ZW10: variants seen among roughly 807,000 people sequenced by gnomAD.
ZW10 encodes the protein centromere/kinetochore protein zw10 homolog.
A neutral mutation model predicts 87.8 loss-of-function variants in ZW10; 53 were observed. The observed-to-expected ratio is 0.60, with a 90% CI of 0.48 to 0.76. The LOEUF (loss-of-function observed/expected upper bound fraction) is 0.76, where lower values mean the gene tolerates loss of function less well. Among genes scored for constraint, ZW10 ranks in the 30% least tolerant of loss-of-function variants. The probability of loss-of-function intolerance (pLI) is 0.00; values close to 1 mark genes in which losing one functional copy is unlikely to be tolerated. For synonymous variants in ZW10, 312 were observed against 329.2 expected (o/e 0.95, Z 0.57); for missense variants, 837 against 923.0 (o/e 0.91, Z 1.21).
intron 10 of ZW10, 87 bp from the exon 11 acceptor site, chr11:113,741,852 G>C (rs949981699): frequency 1.2e-6 from 1 of 852,712 alleles, no homozygotes; most frequent in South Asian, 1.7e-5. Flanking sequence ...TCTTCAGTGA[G>C]AGTCATAAGC....
At chr11:113,766,698 A>AAAAAAAAT (rs1226578405) in intron 2 of ZW10, among the ~76,000 whole-genome samples, 3 of 119,444 alleles carry the variant, frequency 2.5e-5, no homozygotes, top group Admixed American at 1.1e-4. Flanking sequence ...AAAAAAAAAA[A>AAAAAAAAT]TTAATTTTTA....
intron 9 of ZW10, among the ~76,000 whole-genome samples, chr11:113,746,430 T>C (rs916547944): frequency 1.4e-5 from 2 of 141,540 alleles, no homozygotes; most frequent in Admixed American, 7.7e-5. Flanking sequence ...ACTGAGTACA[T>C]AGTAGTAGTA....
intron 10 of ZW10, 44 bp from the exon 11 acceptor site, chr11:113,741,809 C>G (rs752568463): frequency 6.9e-7 from 1 of 1,440,642 alleles, no homozygotes; most frequent in Admixed American, 2.0e-5. Context: ...TAAGAATACA[C>G]TAAAAACAAG....
At chr11:113,753,894 A>C (rs1375197209) in intron 7 of ZW10, among the ~76,000 whole-genome samples, 1 of 152,252 alleles carries the variant, frequency 6.6e-6, no homozygotes, top group Non-Finnish European at 1.5e-5. Flanking sequence ...GAAGAAAAGA[A>C]GCTGTCTCCA....
chr11:113,767,239 A>T (rs1055636873), intron 2 of ZW10, among the ~76,000 whole-genome samples: 63 of 148,466 alleles, frequency 4.2e-4, no homozygotes, highest in African/African-American at 1.5e-3. Flanking sequence ...CTTTTTATTT[A>T]TTTTTTTTTA....
rs750603275 is a variant in ZW10 at position 113,736,793 on chromosome 11, T to C, written c.2046A>G (p.Leu682=). 3 of 1,614,142 alleles carry C rather than the reference T, an allele frequency of 1.9e-6. No homozygotes were observed. The highest frequency in any genetic ancestry group is 2.5e-6 in the Non-Finnish European group (3 of 1,180,006). ...CCATCACTGTTTTGCATAAGGAATA[T>C]AACCTATCACCATCTTCAGTAGATA... ...EDISTEDGDR[L]YSLCKTVMDE... is the part of the protein sequence containing the mutation. The change falls in exon 15 of 16, where the codon TTA becomes TTG. Residue 682 remains leucine, a synonymous_variant. Transcript: ENST00000200135.
intron 2 of ZW10, among the ~76,000 whole-genome samples, chr11:113,763,097 A>C (rs1388074719): frequency 6.6e-6 from 1 of 151,968 alleles, no homozygotes; most frequent in Non-Finnish European, 1.5e-5. Context: ...ACTCCCACTT[A>C]TGACTGAGAA....
At chr11:113,748,902 T>C (rs1418566672) in intron 7 of ZW10, among the ~76,000 whole-genome samples, 2 of 152,212 alleles carry the variant, frequency 1.3e-5, no homozygotes, top group Admixed American at 6.5e-5. Context: ...TTATGGTGCA[T>C]TTTTCGAACA....
intron 2 of ZW10, among the ~76,000 whole-genome samples, chr11:113,764,499 ATTTG>A (rs1312337044): frequency 6.6e-6 from 1 of 152,142 alleles, no homozygotes; most frequent in Non-Finnish European, 1.5e-5. Flanking sequence ...ATGTTTTTCC[ATTTG>A]TTTGTGTCCT....
At position 113,736,770 on chromosome 11, in the gene ZW10, A is replaced by G. The variant is rs1394815837; in HGVS notation, c.2069T>C (p.Met690Thr). The change falls in exon 15 of 16, where the codon ATG becomes ACG. Residue 690 changes from methionine to threonine, a missense_variant. Coordinates refer to ENST00000200135, the MANE Select transcript of ZW10 (RefSeq NM_004724.4). ...DRLYSLCKTV[M>T]DEGPQVFAPL... ...TGCAAATACTTGGGGTCCTTCATCCATCACTGTTTTGCATAAGGAATATAA... is the reference window on the plus strand; with the variant it reads ...TGCAAATACTTGGGGTCCTTCATCCGTCACTGTTTTGCATAAGGAATATAA... 6.2e-7 allele frequency: 1 copy of G among 1,614,150 alleles called. No individual in the cohort carries two copies. The highest frequency in any genetic ancestry group is 1.1e-5 in the South Asian group (1 of 91,080).
intron 3 of ZW10, 91 bp from the exon 4 acceptor site, chr11:113,760,681 C>G (rs1488266177): frequency 1.7e-6 from 2 of 1,179,524 alleles, no homozygotes; most frequent in African/African-American, 3.2e-5. Flanking sequence ...TTCCCTCCCC[C>G]TCCCCCCTCT....
In ZW10 at chr11:113,772,708, T is replaced by G. The variant is rs145046476; in HGVS notation, c.105+854A>C. On this transcript the variant is annotated intron_variant, in intron 1 of 15. Coordinates refer to ENST00000200135, the MANE Select transcript of ZW10 (RefSeq NM_004724.4). ...CATTAAGAGGCCGGAGACGGTGGCTTACACCTGTAATCCCAGCACTTTGGG... is the reference window on the plus strand; with the variant it reads ...CATTAAGAGGCCGGAGACGGTGGCTGACACCTGTAATCCCAGCACTTTGGG... 8.7e-3 allele frequency among the ~76,000 whole-genome samples: 1,310 copies of G among 151,376 alleles called. 15 individuals carry two copies. Among genetic ancestry groups the G allele is most frequent in the Non-Finnish European group, 0.012 (825 of 67,890 alleles).
intron 7 of ZW10, among the ~76,000 whole-genome samples, chr11:113,756,160 T>C (rs1319229574): frequency 6.6e-6 from 1 of 152,070 alleles, no homozygotes; most frequent in Non-Finnish European, 1.5e-5. Flanking sequence ...ACAACTGGTG[T>C]CTTTATAAGA....
chr11:113,770,970 A>ATT lies in ZW10; in HGVS notation c.106-2005_106-2004dup, dbSNP rs71063523. On this transcript the variant is annotated intron_variant, in intron 1 of 15. Coordinates refer to ENST00000200135, the MANE Select transcript of ZW10 (RefSeq NM_004724.4). ...CTCAAGTCGGGGACTTGAGGATGCT[A>ATT]TTTTTTTTTTTTTTTTTTTTGAGAC... 5.8e-3 allele frequency among the ~76,000 whole-genome samples: 673 copies of ATT among 116,206 alleles called. 16 individuals are homozygous for ATT. The highest frequency in any genetic ancestry group is 9.6e-3 in the African/African-American group (305 of 31,770). 76.2% of individuals were successfully genotyped at this position (116,206 alleles called of 152,430 possible).
At chr11:113,735,147 G>A (rs1953535409) in intron 15 of ZW10, among the ~76,000 whole-genome samples, 2 of 151,948 alleles carry the variant, frequency 1.3e-5, no homozygotes, top group South Asian at 4.1e-4. Flanking sequence ...TCCTTCATAT[G>A]TATATTTTAC....
At chr11:113,765,886 G>C (rs1042773601) in intron 2 of ZW10, among the ~76,000 whole-genome samples, 2 of 152,160 alleles carry the variant, frequency 1.3e-5, no homozygotes, top group African/African-American at 4.8e-5. Flanking sequence ...AGGTATGCTT[G>C]CTACCCATTA....
Position 113,768,553 on chromosome 11 carries a change from T to C in ZW10, c.240+280A>G, listed in dbSNP as rs181156139. ...TGTGCCAGAGGTGCAAAGTAACAGA[T>C]TGATCCACTCACTTTGGCCACCACA... On this transcript the variant is annotated intron_variant, in intron 2 of 15. Transcript: ENST00000200135. 1.2e-3 allele frequency among the ~76,000 whole-genome samples: 188 copies of C among 152,266 alleles called. 1 individual carries two copies. Among genetic ancestry groups the C allele is most frequent in the Non-Finnish European group, 2.0e-3 (137 of 68,012 alleles).
intron 1 of ZW10, among the ~76,000 whole-genome samples, chr11:113,772,461 T>TG (rs1172520056): frequency 1.3e-5 from 2 of 152,172 alleles, no homozygotes; most frequent in Admixed American, 1.3e-4. Context: ...GTGGCAAACT[T>TG]GCTCCCTCGA....
intron 12 of ZW10, among the ~76,000 whole-genome samples, chr11:113,738,791 TTTAGTAATCCCAAGTAAAACTA>T (rs1323774660): frequency 3.3e-5 from 5 of 152,204 alleles, no homozygotes; most frequent in Non-Finnish European, 7.3e-5. Flanking sequence ...TCTTTTGACT[TTTAGTAATCCCAAGTAAAACTA>T]AGGGAGATGT....
Sources: gnomAD v4.1 joint callset for allele counts (sites outside exome capture counted in the v4.1 genomes callset) on GRCh38, gnomAD v4.1.1 for gene constraint, MANE v1.5 for transcripts, NCBI Gene and HGNC (gene_info 2026-07-23, HGNC 2026-07-21) for gene names.